IFT46: variants seen among roughly 807,000 people sequenced by gnomAD.
IFT46 encodes intraflagellar transport protein 46 homolog.
In IFT46, 19 loss-of-function variants were observed where a neutral mutation model predicts 39.6. That is an observed-to-expected ratio of 0.48 (90% CI 0.33 to 0.70). The LOEUF is 0.70. Among genes scored for constraint, IFT46 ranks in the 30% least tolerant of loss-of-function variants. IFT46 has a pLI of 0.01. For missense variants in IFT46, 334 were observed against 364.8 expected (o/e 0.92, Z 0.69); for synonymous variants, 117 against 134.8 (o/e 0.87, Z 0.91).
At chr11:118,554,388 A>G (rs782232430) in intron 7 of IFT46, 71 bp downstream of exon 7, 39 of 1,449,112 alleles carry the variant, frequency 2.7e-5, no homozygotes, top group Non-Finnish European at 3.4e-5. Flanking sequence ...AGTCAACTGT[A>G]TGAGTGCCAG....
intron 7 of IFT46, among the ~76,000 whole-genome samples, chr11:118,553,808 G>A (rs1555068912): frequency 6.6e-6 from 1 of 152,146 alleles, no homozygotes; most frequent in Non-Finnish European, 1.5e-5. Context: ...CATAACAAAG[G>A]AATGAAATAA....
chr11:118,568,888 T>C (rs1555071963), upstream of IFT46, among the ~76,000 whole-genome samples: 5 of 151,592 alleles, frequency 3.3e-5, no homozygotes, highest in African/African-American at 1.2e-4. Context: ...ATTCCTGACC[T>C]CAAGTGATCC....
chr11:118,554,940 G>T, intron 6 of IFT46, 50 bp downstream of exon 6: 3 of 1,257,972 alleles, frequency 2.4e-6, no homozygotes, highest in Non-Finnish European at 3.5e-6. Flanking sequence ...AGTAACAGGG[G>T]CATCAGAAGA....
At chr11:118,559,079 T>G (rs1445121940) in intron 3 of IFT46, among the ~76,000 whole-genome samples, 3 of 151,584 alleles carry the variant, frequency 2.0e-5, no homozygotes, top group Non-Finnish European at 4.4e-5. Flanking sequence ...TGTTGGACAG[T>G]CTGGTCTCAA....
intron 2 of IFT46, chr11:118,561,313 C>T (rs1555070541): frequency 9.3e-7 from 1 of 1,073,952 alleles, no homozygotes; most frequent in African/African-American, 1.5e-5. Context: ...ATTACATGCA[C>T]TACTTAACAG....
chr11:118,555,612 C>A, intron 4 of IFT46: 1 of 293,458 alleles, frequency 3.4e-6, no homozygotes, highest in Non-Finnish European at 6.4e-6. Flanking sequence ...GAAAGGATGA[C>A]AAGAAAAGGT....
chr11:118,562,646 G>A (rs558586365), intron 2 of IFT46, among the ~76,000 whole-genome samples: 1 of 152,220 alleles, frequency 6.6e-6, no homozygotes, highest in East Asian at 1.9e-4. Context: ...TAGGTGGCTA[G>A]GTCCCAAAGA....
upstream of IFT46, among the ~76,000 whole-genome samples, chr11:118,569,175 A>C (rs1555072014): frequency 6.6e-6 from 1 of 151,664 alleles, no homozygotes. Flanking sequence ...GCTACTTGGG[A>C]GGCTAAGTCA....
At position 118,548,120 on chromosome 11, in the gene IFT46, T is replaced by C. The variant is rs887184151; in HGVS notation, c.673-2267A>G. On this transcript the variant is annotated intron_variant, in intron 9 of 11. Transcript: ENST00000264021. Reference sequence around the variant, plus strand: ...CTGGTCCTGAACTCCTGGCCTCAAATGATCATCCCACCTCAGCCTCCCAAA... The same window carrying C: ...CTGGTCCTGAACTCCTGGCCTCAAACGATCATCCCACCTCAGCCTCCCAAA... Among the ~76,000 whole-genome samples, 10 of 148,888 alleles carry C rather than the reference T, an allele frequency of 6.7e-5. 1 individual carries two copies. Among genetic ancestry groups the C allele is most frequent in the Admixed American group, 2.7e-4 (4 of 14,850 alleles).
chr11:118,551,737 G>C (rs1937646605), intron 9 of IFT46, 49 bp downstream of exon 9: 7 of 1,360,374 alleles, frequency 5.1e-6, no homozygotes, highest in Non-Finnish European at 7.4e-6. Flanking sequence ...CTGGGCCCTG[G>C]AGCGAATACT....
At chr11:118,551,670 C>CAA (rs537215530) in intron 9 of IFT46, 116 bp downstream of exon 9, 37,865 of 449,472 alleles carry the variant, frequency 0.084, 1,200 homozygotes, top group East Asian at 0.22. Flanking sequence ...GACCCTGTCT[C>CAA]AAAAAAAAAA....
intron 1 of IFT46, chr11:118,565,479 GGGGTGGGGT>G (rs1555071307): frequency 6.8e-6 from 1 of 146,660 alleles, no homozygotes; most frequent in African/African-American, 2.5e-5. Flanking sequence ...GGGGTGGGGT[GGGGTGGGGT>G]GGGGTGGGGT....
chr11:118,561,864 C>T (rs1938067919), intron 2 of IFT46, among the ~76,000 whole-genome samples: 2 of 152,132 alleles, frequency 1.3e-5, no homozygotes, highest in Admixed American at 6.6e-5. Flanking sequence ...TAATGACAGG[C>T]GCAGTGGCTC....
chr11:118,573,339 A>ATG (rs1555072819), upstream of IFT46, among the ~76,000 whole-genome samples: 1 of 152,120 alleles, frequency 6.6e-6, no homozygotes, highest in East Asian at 1.9e-4. Context: ...AGTAAGAGGG[A>ATG]TGGGTTAGCC....
At chr11:118,559,228 A>C (rs1219369528) in intron 3 of IFT46, among the ~76,000 whole-genome samples, 1 of 152,058 alleles carries the variant, frequency 6.6e-6, no homozygotes, top group Non-Finnish European at 1.5e-5. Context: ...GTTTCTAGAG[A>C]GGTGGGCCTC....
intron 9 of IFT46, among the ~76,000 whole-genome samples, 180 bp downstream of exon 9, chr11:118,551,606 A>AG (rs1342939486): frequency 1.1e-4 from 16 of 142,546 alleles, no homozygotes; most frequent in African/African-American, 4.2e-4. Context: ...CCCGGGAGGT[A>AG]GAGGCTGCAG....
chr11:118,547,744 C>CTTTTTTT (rs1233612951), intron 9 of IFT46, among the ~76,000 whole-genome samples: 10 of 91,174 alleles, frequency 1.1e-4, no homozygotes, highest in East Asian at 7.6e-4. Flanking sequence ...CTTTTCTTTT[C>CTTTTTTT]TTTTTTTTTT....
upstream of IFT46, chr11:118,573,570 G>C: frequency 3.1e-6 from 2 of 642,606 alleles, no homozygotes; most frequent in Admixed American, 4.8e-5. Flanking sequence ...ATGTCCTTTA[G>C]TCTTTTGAAG....
chr11:118,569,035 C>CT (rs1938285482), upstream of IFT46, among the ~76,000 whole-genome samples: 1 of 151,882 alleles, frequency 6.6e-6, no homozygotes. Flanking sequence ...AATCCCAGCA[C>CT]TCTGGGAGGC....
Sources: gnomAD v4.1 joint callset for allele counts (sites outside exome capture counted in the v4.1 genomes callset) on GRCh38, gnomAD v4.1.1 for gene constraint, MANE v1.5 for transcripts, NCBI Gene and HGNC (gene_info 2026-07-23, HGNC 2026-07-21) for gene names.